Variants in DHX29 observed in about 807,000 individuals in gnomAD.
The protein encoded by DHX29 is DExH-box helicase 29, also known as ATP-dependent RNA helicase DHX29.
In DHX29, 79 loss-of-function variants were observed where a neutral mutation model predicts 167.9. That is an observed-to-expected ratio of 0.47 (90% CI 0.39 to 0.57). DHX29 has a LOEUF of 0.57. DHX29 is among the 20% of genes least tolerant of loss of function. The probability of loss-of-function intolerance (pLI) is 0.00; values close to 1 mark genes in which losing one functional copy is unlikely to be tolerated. For synonymous variants in DHX29, 530 were observed against 546.0 expected, an observed-to-expected ratio of 0.97 and a Z score of 0.41; for missense variants, 1,347 against 1,593.4, an observed-to-expected ratio of 0.85 and a Z score of 2.63.
At chr5:55,264,645 A>C (rs1459951699) in intron 23 of DHX29, among the ~76,000 whole-genome samples, 2 of 152,166 alleles carry the variant, frequency 1.3e-5, no homozygotes, top group African/African-American at 2.4e-5. Flanking sequence ...CTTCCCAAAG[A>C]GGGGACAATT....
intron 1 of DHX29, among the ~76,000 whole-genome samples, chr5:55,303,515 C>T (rs1421030302): frequency 5.3e-5 from 8 of 152,138 alleles, no homozygotes; most frequent in African/African-American, 1.9e-4. Context: ...CTGCCAGGGC[C>T]GCCTGACTAA....
Position 55,261,462 on chromosome 5 carries a change from A to G in DHX29, c.3866T>C (p.Leu1289Pro). The G allele has an allele frequency of 1.9e-6, 3 of 1,575,044 alleles. No individual in the cohort carries two copies. Among genetic ancestry groups the G allele is most frequent in the Non-Finnish European group, 2.6e-6 (3 of 1,144,950 alleles). ...YARVYLRETT[L>P]ITPFPVLLFG... Reference sequence around the variant, plus strand: ...AAGTAAAACTGGAAAAGGGGTTATTAGGGTAGTTTCTCTCAAATACACTCT... The same window carrying G: ...AAGTAAAACTGGAAAAGGGGTTATTGGGGTAGTTTCTCTCAAATACACTCT... The change falls in exon 25 of 27, where the codon CTA (leucine) becomes CCA (proline). Residue 1289 changes from leucine to proline, a missense_variant. Coordinates refer to ENST00000251636, the MANE Select transcript of DHX29 (RefSeq NM_019030.4).
chr5:55,296,476 C>A, intron 3 of DHX29, 127 bp from the exon 4 acceptor site: 1 of 1,225,942 alleles, frequency 8.2e-7, no homozygotes, highest in East Asian at 2.8e-5. Flanking sequence ...CTTTTTTTTC[C>A]CAGTTAAAAA....
At chr5:55,283,157 G>C in intron 11 of DHX29, 46 bp downstream of exon 11, 1 of 1,535,672 alleles carries the variant, frequency 6.5e-7, no homozygotes, top group Non-Finnish European at 8.8e-7. Context: ...GCAAAGGTGA[G>C]TAATGTCACC....
intron 23 of DHX29, 145 bp downstream of exon 23, chr5:55,266,992 AG>A (rs113524236): frequency 0.042 from 23,034 of 546,866 alleles, 1,056 homozygotes; most frequent in African/African-American, 0.14. Flanking sequence ...GCTGGAAGAA[AG>A]AAGTACAATC....
chr5:55,292,647 AG>A (rs1392349662), intron 6 of DHX29, among the ~76,000 whole-genome samples: 1 of 152,178 alleles, frequency 6.6e-6, no homozygotes, highest in Non-Finnish European at 1.5e-5. Context: ...TTCCAGTCTC[AG>A]GTGAACTCAC....
At chr5:55,263,665 G>A (rs1471507777) in intron 23 of DHX29, among the ~76,000 whole-genome samples, 1 of 151,306 alleles carries the variant, frequency 6.6e-6, no homozygotes, top group East Asian at 2.0e-4. Context: ...GGGAGGTGAA[G>A]AAAAGGCTCA....
rs557722846 is a variant in DHX29 at position 55,273,352 on chromosome 5, T to C, written c.2716A>G (p.Ile906Val). Residue 906 changes from isoleucine to valine, a missense_variant, in exon 17 of 27, where the codon ATT becomes GTT. Coordinates refer to ENST00000251636, the MANE Select transcript of DHX29 (RefSeq NM_019030.4). ...GCAGCTTGATCTTGGGTTGAAAGAA[T>C]AGAATGCAGAGCTATCACTTTATAT... The part of the protein sequence containing the change: ...ERYKVIALHS[I>V]LSTQDQAAAF... The C allele has an allele frequency of 1.5e-5, 24 of 1,591,352 alleles. No homozygotes were observed. Among genetic ancestry groups the C allele is most frequent in the Non-Finnish European group, 2.0e-5 (23 of 1,165,134 alleles).
intron 5 of DHX29, 49 bp from the exon 6 acceptor site, chr5:55,294,194 T>A: frequency 2.0e-6 from 3 of 1,516,196 alleles, no homozygotes; most frequent in Non-Finnish European, 2.7e-6. Context: ...GAAAAAGGTG[T>A]CAAAACTATC....
At chr5:55,300,815 T>C (rs919347440) in intron 1 of DHX29, among the ~76,000 whole-genome samples, 6 of 152,232 alleles carry the variant, frequency 3.9e-5, no homozygotes, top group Admixed American at 2.6e-4. Flanking sequence ...TCTGGTATCT[T>C]AGTCTGCTCA....
At chr5:55,307,213 A>G (rs1484459058) in intron 1 of DHX29, among the ~76,000 whole-genome samples, 174 bp downstream of exon 1, 4 of 152,236 alleles carry the variant, frequency 2.6e-5, no homozygotes, top group African/African-American at 7.2e-5. Context: ...GGAGGCCCAA[A>G]GAGCTTAGAC....
chr5:55,292,418 T>C (rs1270214185), intron 6 of DHX29, among the ~76,000 whole-genome samples: 2 of 152,186 alleles, frequency 1.3e-5, no homozygotes, highest in East Asian at 3.8e-4. Flanking sequence ...CAATTACCGA[T>C]ATGAACCTTT....
At chr5:55,270,146 C>T (rs1746778532) in intron 20 of DHX29, among the ~76,000 whole-genome samples, 2 of 151,854 alleles carry the variant, frequency 1.3e-5, no homozygotes, top group African/African-American at 4.8e-5. Context: ...CTGACATTGC[C>T]CAATGTCCCC....
intron 1 of DHX29, among the ~76,000 whole-genome samples, chr5:55,300,550 G>A (rs1460531640): frequency 1.3e-5 from 2 of 152,126 alleles, no homozygotes; most frequent in Non-Finnish European, 2.9e-5. Flanking sequence ...ATGCATGCCT[G>A]TAATCCCAGC....
intron 10 of DHX29, among the ~76,000 whole-genome samples, chr5:55,285,024 C>T (rs1747643562): frequency 6.6e-6 from 1 of 152,116 alleles, no homozygotes; most frequent in Non-Finnish European, 1.5e-5. Context: ...TGTCTCAAAA[C>T]AAAAATTCTC....
chr5:55,272,237 ATTTCT>A (rs1579768252), intron 17 of DHX29, 62 bp from the exon 18 acceptor site: 1 of 1,053,032 alleles, frequency 9.5e-7, no homozygotes, highest in Non-Finnish European at 1.4e-6. Context: ...CATTATTTAA[ATTTCT>A]TTAGTTTGAG....
intron 1 of DHX29, 116 bp downstream of exon 1, chr5:55,307,271 G>A (rs1457494477): frequency 5.7e-6 from 5 of 877,546 alleles, no homozygotes; most frequent in African/African-American, 1.7e-5. Context: ...AGCAGCTCGA[G>A]TGTTGGGAAA....
In DHX29 at chr5:55,297,407, G is replaced by A. The variant is rs1188027589; in HGVS notation, c.262-9C>T. ...TTGTTATTAATTACCACCTGTTGAG[G>A]CCAAAAAGGTCATATCATTTAGAAG... On this transcript the variant is annotated splice_polypyrimidine_tract_variant and intron_variant, in intron 2 of 26. Coordinates refer to ENST00000251636, the MANE Select transcript of DHX29 (RefSeq NM_019030.4). The A allele has an allele frequency of 9.5e-7, 1 of 1,050,106 alleles. No homozygotes were observed. The highest frequency in any genetic ancestry group is 2.4e-5 in the East Asian group (1 of 41,672). 65.0% of individuals were successfully genotyped at this position (1,050,106 alleles called of 1,614,324 possible). A position where few individuals can be genotyped will look rare whatever the true frequency, so the allele number is the denominator to read the frequency against.
intron 10 of DHX29, 88 bp downstream of exon 10, chr5:55,285,205 C>T: frequency 6.6e-7 from 1 of 1,524,956 alleles, no homozygotes; most frequent in Non-Finnish European, 8.8e-7. Context: ...AAGGATTAAT[C>T]AGAAGAAACA....
Sources: gnomAD v4.1 joint callset for allele counts (sites outside exome capture counted in the v4.1 genomes callset) on GRCh38, gnomAD v4.1.1 for gene constraint, MANE v1.5 for transcripts, NCBI Gene and HGNC (gene_info 2026-07-23, HGNC 2026-07-21) for gene names.